TMPRSS15: variants seen among roughly 807,000 people sequenced by gnomAD.
The protein encoded by TMPRSS15 is enteropeptidase.
TMPRSS15 carries 128 observed loss-of-function variants against 125.3 expected under a neutral mutation model. The ratio of observed to expected loss-of-function variants is 1.02; its 90% CI spans 0.89 to 1.18. The LOEUF is 1.18. TMPRSS15 is among the 50% of genes most tolerant of loss of function. TMPRSS15 has a pLI of 0.00. For missense variants in TMPRSS15, 1,283 were observed against 1,212.7 expected (o/e 1.06, Z -0.86); for synonymous variants, 446 against 423.2 (o/e 1.05, Z -0.66).
At chr21:18,346,729 T>C (rs555730334) in intron 10 of TMPRSS15, among the ~76,000 whole-genome samples, 1 of 152,230 alleles carries the variant, frequency 6.6e-6, no homozygotes, top group South Asian at 2.1e-4. Context: ...CAGACCATCA[T>C]TGTCACTATT....
chr21:18,441,114 GA>G, intron 1 of TMPRSS15, among the ~76,000 whole-genome samples: 1 of 151,440 alleles, frequency 6.6e-6, no homozygotes, highest in Non-Finnish European at 1.5e-5. Context: ...CCAATATGAT[GA>G]AATCCTGTTT....
chr21:18,461,489 C>T (rs1321776128), intron 1 of TMPRSS15, among the ~76,000 whole-genome samples: 2 of 151,948 alleles, frequency 1.3e-5, no homozygotes, highest in Non-Finnish European at 2.9e-5. Flanking sequence ...AAAATAAATG[C>T]ACTGTATGAA....
intron 1 of TMPRSS15, among the ~76,000 whole-genome samples, chr21:18,464,889 A>C (rs371089378): frequency 6.6e-6 from 1 of 152,078 alleles, no homozygotes; most frequent in Non-Finnish European, 1.5e-5. Context: ...AAAAAGAGGC[A>C]CTCCTCCCTA....
chr21:18,425,281 A>G (rs536615236), intron 1 of TMPRSS15, among the ~76,000 whole-genome samples: 1 of 152,272 alleles, frequency 6.6e-6, no homozygotes, highest in African/African-American at 2.4e-5. Context: ...CCTGACTACT[A>G]TAAGGACTCC....
At chr21:18,289,053 T>C (rs970802377) in intron 21 of TMPRSS15, among the ~76,000 whole-genome samples, 3 of 152,168 alleles carry the variant, frequency 2.0e-5, no homozygotes, top group Non-Finnish European at 4.4e-5. Flanking sequence ...TTGATATATG[T>C]CCTGTGTTCT....
intron 16 of TMPRSS15, among the ~76,000 whole-genome samples, chr21:18,321,050 C>A (rs1657397248): frequency 6.6e-6 from 1 of 152,082 alleles, no homozygotes; most frequent in Admixed American, 6.6e-5. Context: ...GGGCTCAAAC[C>A]CCCTAAATGT....
intron 18 of TMPRSS15, among the ~76,000 whole-genome samples, chr21:18,306,255 A>G (rs181635012): frequency 1.3e-5 from 2 of 152,176 alleles, no homozygotes; most frequent in Admixed American, 6.5e-5. Context: ...GAAGCACTAT[A>G]TGTCTACCAC....
chr21:18,440,430 AAG>A (rs1179371187), intron 1 of TMPRSS15, among the ~76,000 whole-genome samples: 2 of 151,206 alleles, frequency 1.3e-5, no homozygotes, highest in Non-Finnish European at 3.0e-5. Flanking sequence ...CATCAATATA[AAG>A]AGTCTATGTA....
At chr21:18,312,864 TA>T in intron 18 of TMPRSS15, 80 bp downstream of exon 18, 1 of 1,545,980 alleles carries the variant, frequency 6.5e-7, no homozygotes, top group Non-Finnish European at 8.9e-7. Context: ...TTATAAATTT[TA>T]AAGCTCTTAT....
At chr21:18,347,106 A>T (rs1172685262) in intron 10 of TMPRSS15, among the ~76,000 whole-genome samples, 4 of 151,260 alleles carry the variant, frequency 2.6e-5, no homozygotes, top group African/African-American at 9.7e-5. Context: ...AATCGTATCA[A>T]TTTTTTGAGG....
At chr21:18,466,164 G>A (rs1978656141) in intron 1 of TMPRSS15, among the ~76,000 whole-genome samples, 1 of 152,106 alleles carries the variant, frequency 6.6e-6, no homozygotes, top group South Asian at 2.1e-4. Flanking sequence ...AACGAGGAAA[G>A]GATTCCCTAT....
At chr21:18,460,094 T>C (rs564632390) in intron 1 of TMPRSS15, among the ~76,000 whole-genome samples, 1 of 152,316 alleles carries the variant, frequency 6.6e-6, no homozygotes, top group Admixed American at 6.5e-5. Flanking sequence ...GATTATCATG[T>C]TCTCTGAGAG....
At chr21:18,380,916 G>T (rs796703105) in intron 4 of TMPRSS15, among the ~76,000 whole-genome samples, 1 of 152,002 alleles carries the variant, frequency 6.6e-6, no homozygotes, top group South Asian at 2.1e-4. Context: ...CCACATCTTG[G>T]CATACCTAGA....
At chr21:18,419,840 T>G in intron 1 of TMPRSS15, among the ~76,000 whole-genome samples, 1 of 152,146 alleles carries the variant, frequency 6.6e-6, no homozygotes, top group Middle Eastern at 3.2e-3. Context: ...ATGTGATTGG[T>G]TATGTCTTTT....
chr21:18,457,220 GTTA>G (rs1245601046), intron 1 of TMPRSS15, among the ~76,000 whole-genome samples: 2 of 152,156 alleles, frequency 1.3e-5, no homozygotes, highest in African/African-American at 4.8e-5. Flanking sequence ...TATGTGGTCT[GTTA>G]TTATCATAGT....
intron 22 of TMPRSS15, among the ~76,000 whole-genome samples, chr21:18,279,896 T>C (rs888389535): frequency 2.0e-5 from 3 of 152,282 alleles, no homozygotes; most frequent in East Asian, 1.9e-4. Context: ...CATTGGTCAC[T>C]GACTTTTAAA....
At chr21:18,434,282 GCA>G (rs1332905994) in intron 1 of TMPRSS15, among the ~76,000 whole-genome samples, 7 of 151,938 alleles carry the variant, frequency 4.6e-5, no homozygotes, top group African/African-American at 1.7e-4. Flanking sequence ...AGAGATACAT[GCA>G]CATATATACA....
intron 12 of TMPRSS15, among the ~76,000 whole-genome samples, chr21:18,343,165 T>C (rs2075466193): frequency 6.6e-6 from 1 of 152,136 alleles, no homozygotes; most frequent in Non-Finnish European, 1.5e-5. Flanking sequence ...TGTGAAAAGC[T>C]GAAAATTGTA....
At chr21:18,485,201 T>TACAA (rs1979056175) in intron 1 of TMPRSS15, among the ~76,000 whole-genome samples, 1 of 151,952 alleles carries the variant, frequency 6.6e-6, no homozygotes, top group Non-Finnish European at 1.5e-5. Flanking sequence ...TTTTACATAT[T>TACAA]TGCTTGTATC....
Sources: gnomAD v4.1 joint callset for allele counts (sites outside exome capture counted in the v4.1 genomes callset) on GRCh38, gnomAD v4.1.1 for gene constraint, MANE v1.5 for transcripts, NCBI Gene and HGNC (gene_info 2026-07-23, HGNC 2026-07-21) for gene names.